Variants in ATP8A1 observed in about 807,000 individuals in gnomAD.
ATP8A1 encodes phospholipid-transporting ATPase IA.
A neutral mutation model predicts 177.7 loss-of-function variants in ATP8A1; 90 were observed. The ratio of observed to expected loss-of-function variants is 0.51; its 90% confidence interval spans 0.43 to 0.60. The LOEUF (loss-of-function observed/expected upper bound fraction) is 0.60. Among genes scored for constraint, ATP8A1 ranks in the 20% least tolerant of loss-of-function variants. The pLI, the probability that ATP8A1 is intolerant of heterozygous loss-of-function variation, is 0.00. For synonymous variants in ATP8A1, 493 were observed against 485.9 expected (o/e 1.01, Z -0.19); for missense variants, 1,072 against 1,392.8 (o/e 0.77, Z 3.67).
Position 42,548,970 on chromosome 4 carries a change from T to A in ATP8A1, c.1652+43A>T, listed in dbSNP as rs759074155. The A allele has an allele frequency of 1.1e-4, 161 of 1,458,864 alleles. No homozygotes were observed. In the East Asian group the frequency reaches 2.6e-3, roughly 23 times the overall value. The allele number at this position is 1,458,864 out of a possible 1,614,324, so 90.4% of individuals were successfully genotyped here. On this transcript the variant is annotated intron_variant, in intron 19 of 36. Coordinates refer to ENST00000381668, the MANE Select transcript of ATP8A1 (RefSeq NM_006095.2). ...AAAAGGGAAAAAATAAAAATGGATATAAATTTATCTTATCCATACAAATCA... is the reference window on the plus strand; with the variant it reads ...AAAAGGGAAAAAATAAAAATGGATAAAAATTTATCTTATCCATACAAATCA...
intron 10 of ATP8A1, among the ~76,000 whole-genome samples, chr4:42,580,369 C>G (rs140239188): frequency 9.9e-4 from 150 of 152,272 alleles, no homozygotes; most frequent in East Asian, 1.5e-3. Flanking sequence ...CCCATGCTCC[C>G]GCAAACAGGC....
At chr4:42,455,197 GCTA>G in intron 29 of ATP8A1, 97 bp downstream of exon 29, 4 of 1,442,096 alleles carry the variant, frequency 2.8e-6, no homozygotes, top group Non-Finnish European at 3.8e-6. Context: ...GTTGTCTCAG[GCTA>G]GTGTATCCTT....
Position 42,512,827 on chromosome 4 carries a change from A to C in ATP8A1, c.1948-5673T>G, listed in dbSNP as rs368213641. Among the ~76,000 whole-genome samples, 37 of 152,310 alleles carry C rather than the reference A, an allele frequency of 2.4e-4. 1 individual carries two copies. The South Asian group carries it at 3.5e-3, about 14-fold the overall frequency. The stretch of plus-strand genomic sequence containing the variant: ...AAGCCTGGAAATGTGCAGTGGTTGC[A>C]AAGCTGCTGGTCTGAGAACGTAACT... On this transcript the variant is annotated intron_variant, in intron 22 of 36. Coordinates refer to ENST00000381668, the MANE Select transcript of ATP8A1 (RefSeq NM_006095.2).
At chr4:42,474,021 T>C (rs897710212) in intron 25 of ATP8A1, among the ~76,000 whole-genome samples, 2 of 152,144 alleles carry the variant, frequency 1.3e-5, no homozygotes, top group South Asian at 4.1e-4. Context: ...CTATGTTGTG[T>C]GGATAAGTTT....
chr4:42,574,605 A>G lies in ATP8A1; in HGVS notation c.1295+14T>C, dbSNP rs901620857. On this transcript the variant is annotated intron_variant, in intron 14 of 36. Transcript: ENST00000381668. The stretch of plus-strand genomic sequence containing the variant: ...AGCATGTATTTCATATCCTAATTAA[A>G]GGAAAAAACTCACCCATAAGCAACT... The G allele has an allele frequency of 6.3e-7, 1 of 1,597,476 alleles. No individual in the cohort carries two copies. Among genetic ancestry groups the G allele is most frequent in the African/African-American group, 1.3e-5 (1 of 74,198 alleles).
intron 9 of ATP8A1, among the ~76,000 whole-genome samples, chr4:42,586,075 C>A (rs1348029561): frequency 6.6e-6 from 1 of 152,124 alleles, no homozygotes; most frequent in African/African-American, 2.4e-5. Context: ...ATTGTTTACC[C>A]ACGAAACAAT....
At chr4:42,642,414 G>GA (rs1429033732) in intron 1 of ATP8A1, among the ~76,000 whole-genome samples, 1 of 152,184 alleles carries the variant, frequency 6.6e-6, no homozygotes, top group Non-Finnish European at 1.5e-5. Context: ...AAAAAGCCAA[G>GA]AATCATTTTC....
intron 4 of ATP8A1, among the ~76,000 whole-genome samples, chr4:42,621,426 A>G (rs1363163421): frequency 6.6e-6 from 1 of 152,224 alleles, no homozygotes; most frequent in Non-Finnish European, 1.5e-5. Flanking sequence ...TGGCTTTACC[A>G]TCTTACTTTC....
intron 30 of ATP8A1, 87 bp downstream of exon 30, chr4:42,451,894 C>T: frequency 2.1e-6 from 2 of 956,084 alleles, no homozygotes; most frequent in South Asian, 3.4e-5. Context: ...AATGAAACTG[C>T]TATACTTTTA....
intron 23 of ATP8A1, 49 bp from the exon 24 acceptor site, chr4:42,503,563 G>A: frequency 8.1e-7 from 1 of 1,234,536 alleles, no homozygotes; most frequent in Non-Finnish European, 1.2e-6. Context: ...CAGAGAATAT[G>A]TAAAGATGTT....
chr4:42,451,785 C>T (rs1428386804), intron 30 of ATP8A1, among the ~76,000 whole-genome samples, 196 bp downstream of exon 30: 3 of 152,180 alleles, frequency 2.0e-5, no homozygotes, highest in African/African-American at 7.2e-5. Context: ...AAAGGCTTTG[C>T]ATATATTAAA....
In ATP8A1 at chr4:42,555,122, TATCTATCTATCTATCTAATC is replaced by T. The variant is rs1217157003; in HGVS notation, c.1413+826_1413+845del. Among the ~76,000 whole-genome samples the T allele has an allele frequency of 3.5e-3, 331 of 93,654 alleles. 3 individuals carry two copies. Among genetic ancestry groups the T allele is most frequent in the Middle Eastern group, 0.031 (7 of 228 alleles). The allele number at this position is 93,654 out of a possible 152,430, so 61.4% of individuals were successfully genotyped here. A position where few individuals can be genotyped will look rare whatever the true frequency, so the allele number is the denominator to read the frequency against. Reference sequence around the variant, plus strand: ...CTATCTATCTATCTATCTATCTATCTATCTATCTATCTATCTAATCTATCTATCTATCTATCTATCTATCT... The same window carrying T: ...CTATCTATCTATCTATCTATCTATCTTATCTATCTATCTATCTATCTATCT... On this transcript the variant is annotated intron_variant, in intron 16 of 36. Transcript: ENST00000381668.
intron 30 of ATP8A1, among the ~76,000 whole-genome samples, chr4:42,449,278 T>A (rs1485065458): frequency 6.6e-6 from 1 of 152,240 alleles, no homozygotes; most frequent in Non-Finnish European, 1.5e-5. Flanking sequence ...TCCCATTTTG[T>A]CAAATACAAA....
At chr4:42,615,858 T>G (rs1038559947) in intron 5 of ATP8A1, among the ~76,000 whole-genome samples, 175 bp downstream of exon 5, 1 of 152,238 alleles carries the variant, frequency 6.6e-6, no homozygotes, top group Non-Finnish European at 1.5e-5. Flanking sequence ...TATAAATCAC[T>G]TTAAAGTGAG....
chr4:42,614,547 C>T (rs1005512207), intron 5 of ATP8A1, among the ~76,000 whole-genome samples: 1 of 152,180 alleles, frequency 6.6e-6, no homozygotes, highest in Non-Finnish European at 1.5e-5. Context: ...TTCTAACAGT[C>T]CCTTACTCCT....
At chr4:42,459,339 C>T (rs979318075) in intron 27 of ATP8A1, 1 of 167,486 alleles carries the variant, frequency 6.0e-6, no homozygotes, top group African/African-American at 2.4e-5. Flanking sequence ...TTTATTTTCT[C>T]ATTAGTACAT....
chr4:42,427,523 A>C (rs1201319810), intron 33 of ATP8A1, among the ~76,000 whole-genome samples: 1 of 152,226 alleles, frequency 6.6e-6, no homozygotes, highest in Non-Finnish European at 1.5e-5. Flanking sequence ...TATTTGTAGC[A>C]ATTTATATTC....
At chr4:42,440,431 C>T (rs1002785704) in intron 33 of ATP8A1, among the ~76,000 whole-genome samples, 2 of 150,852 alleles carry the variant, frequency 1.3e-5, no homozygotes, top group African/African-American at 4.9e-5. Flanking sequence ...TTCCCCTTAC[C>T]TGCTGTACTT....
chr4:42,485,607 TTC>T lies in ATP8A1; in HGVS notation c.2211_2212del (p.Asn738Ter). On this transcript the variant is annotated frameshift_variant, in exon 25 of 37. Coordinates refer to ENST00000381668, the MANE Select transcript of ATP8A1 (RefSeq NM_006095.2). LOFTEE classifies it high-confidence loss of function. ...CCCATCAATTATAAGAGCAAAATCA[TTC>T]TCTTTCCGGAGAGCATCACCAAGGG... 1 of 1,613,752 alleles carries T rather than the reference TTC, an allele frequency of 6.2e-7. No homozygotes were observed. The highest frequency in any genetic ancestry group is 8.5e-7 in the Non-Finnish European group (1 of 1,179,742).
Sources: gnomAD v4.1 joint callset for allele counts (sites outside exome capture counted in the v4.1 genomes callset) on GRCh38, gnomAD v4.1.1 for gene constraint, MANE v1.5 for transcripts, NCBI Gene and HGNC (gene_info 2026-07-23, HGNC 2026-07-21) for gene names.